Variants in RAB9B observed in about 807,000 individuals in gnomAD.
The protein encoded by RAB9B is RAB9B, member RAS oncogene family, also known as ras-related protein Rab-9B.
RAB9B carries 1 observed loss-of-function variant against 8.9 expected under a neutral mutation model. That is an observed-to-expected ratio of 0.11 (90% CI 0.04 to 0.53). The LOEUF is 0.53. Ranked by LOEUF, RAB9B falls within the 20% of genes least tolerant of loss-of-function variation. The pLI, the probability that RAB9B is intolerant of heterozygous loss-of-function variation, is 0.93. For missense variants in RAB9B, 82 were observed against 152.9 expected, an observed-to-expected ratio of 0.54 and a Z score of 2.45; for synonymous variants, 63 against 57.0, an observed-to-expected ratio of 1.10 and a Z score of -0.47.
the RAB9B span, chrX:103,788,296 A>C: frequency 1.4e-5 from 8 of 573,506 alleles, no homozygotes; most frequent in Non-Finnish European, 2.2e-5. Context: ...AAACCTGTAG[A>C]AAAGAGGATC....
chrX:103,820,070 G>A (rs937070746), downstream of RAB9B, among the ~76,000 whole-genome samples: 5 of 111,642 alleles, frequency 4.5e-5, no homozygotes, highest in East Asian at 2.8e-4. Context: ...GAGCTGGAAG[G>A]TGCCATCTGT....
chrX:103,787,704 T>C, the RAB9B span: 1 of 754,615 alleles, frequency 1.3e-6, no homozygotes, highest in African/African-American at 2.0e-5. Flanking sequence ...CTGGTTTTAA[T>C]GTCTGGCACA....
the RAB9B span, among the ~76,000 whole-genome samples, chrX:103,796,233 G>A: frequency 8.9e-6 from 1 of 112,289 alleles, no homozygotes; most frequent in Non-Finnish European, 1.9e-5. Flanking sequence ...CCAGCACTTT[G>A]GGAGGCCAAA....
the RAB9B span, among the ~76,000 whole-genome samples, chrX:103,778,476 G>A: frequency 2.7e-5 from 3 of 111,359 alleles, no homozygotes; most frequent in Non-Finnish European, 3.8e-5. Context: ...AATGTCAGCC[G>A]AGCTGACTGG....
At chrX:103,784,860 T>A in the RAB9B span, among the ~76,000 whole-genome samples, 8 of 112,223 alleles carry the variant, frequency 7.1e-5, no homozygotes, top group Non-Finnish European at 1.3e-4. Context: ...TCATATCCCG[T>A]ATAACACCCA....
chrX:103,797,428 A>T, the RAB9B span, among the ~76,000 whole-genome samples: 5 of 112,213 alleles, frequency 4.5e-5, no homozygotes, highest in Non-Finnish European at 7.5e-5. Context: ...AGAGACACAC[A>T]GCCTTAGGTG....
chrX:103,778,115 C>T, the RAB9B span, among the ~76,000 whole-genome samples: 4 of 112,073 alleles, frequency 3.6e-5, no homozygotes, highest in African/African-American at 1.3e-4. Flanking sequence ...AATCCCAGAT[C>T]TGCTACTTAT....
At chrX:103,780,437 CTCTG>C in the RAB9B span, among the ~76,000 whole-genome samples, 4,031 of 87,831 alleles carry the variant, frequency 0.046, 174 homozygotes, top group African/African-American at 0.16. Context: ...TTCTGTCTCT[CTCTG>C]TGTGTGTGTG....
downstream of RAB9B, among the ~76,000 whole-genome samples, chrX:103,817,956 G>A (rs143767220): frequency 2.0e-3 from 226 of 111,262 alleles, 2 homozygotes; most frequent in East Asian, 0.023. Flanking sequence ...CAACCCACCA[G>A]TTTTCTAATT....
chrX:103,817,578 A>G, downstream of RAB9B, among the ~76,000 whole-genome samples: 1 of 109,681 alleles, frequency 9.1e-6, no homozygotes. Flanking sequence ...TAAAGTATAC[A>G]TATAATATAT....
downstream of RAB9B, among the ~76,000 whole-genome samples, chrX:103,820,761 C>A (rs923167905): frequency 1.8e-5 from 2 of 110,609 alleles, no homozygotes; most frequent in African/African-American, 6.6e-5. Context: ...ACCAGCCTGG[C>A]CAACATGGTG....
the RAB9B span, among the ~76,000 whole-genome samples, chrX:103,782,158 G>A: frequency 8.9e-6 from 1 of 112,343 alleles, no homozygotes; most frequent in Non-Finnish European, 1.9e-5. Context: ...CTTCACTTCT[G>A]CTGAACTTAA....
chrX:103,813,700 C>A, the RAB9B span, among the ~76,000 whole-genome samples: 1 of 70,690 alleles, frequency 1.4e-5, no homozygotes, highest in African/African-American at 5.9e-5. Context: ...CAAACGTAAG[C>A]TCAAAATAAA....
the RAB9B span, among the ~76,000 whole-genome samples, chrX:103,812,319 C>A: frequency 2.7e-5 from 3 of 111,226 alleles, no homozygotes; most frequent in East Asian, 2.8e-4. Flanking sequence ...CCAATAGCAA[C>A]CAAAAACTGC....
chrX:103,806,886 A>T, the RAB9B span, among the ~76,000 whole-genome samples: 7 of 111,868 alleles, frequency 6.3e-5, no homozygotes, highest in Admixed American at 6.7e-4. Flanking sequence ...AGATCTCTTC[A>T]TGTTAGTCTC....
At chrX:103,787,662 C>T in the RAB9B span, 2 of 569,779 alleles carry the variant, frequency 3.5e-6, no homozygotes, top group South Asian at 2.4e-5. Context: ...GTGCCCTGCT[C>T]ACTAATTTCA....
At chrX:103,809,939 A>T in the RAB9B span, among the ~76,000 whole-genome samples, 4 of 111,046 alleles carry the variant, frequency 3.6e-5, no homozygotes. Flanking sequence ...TTAATTAAAA[A>T]ATCTTTAGCT....
the RAB9B span, among the ~76,000 whole-genome samples, chrX:103,803,184 C>T: frequency 8.9e-6 from 1 of 111,947 alleles, no homozygotes; most frequent in Admixed American, 9.5e-5. Flanking sequence ...TTTGTGTGAA[C>T]ATATGTTTTC....
At chrX:103,810,221 G>T in the RAB9B span, among the ~76,000 whole-genome samples, 96 of 111,690 alleles carry the variant, frequency 8.6e-4, no homozygotes, top group East Asian at 5.6e-4. Context: ...TAGTGAAGGG[G>T]AGATTGGTGC....
Sources: gnomAD v4.1 joint callset for allele counts (sites outside exome capture counted in the v4.1 genomes callset) on GRCh38, gnomAD v4.1.1 for gene constraint, MANE v1.5 for transcripts, NCBI Gene and HGNC (gene_info 2026-07-23, HGNC 2026-07-21) for gene names.